Variants in PSG5 observed in about 807,000 individuals in gnomAD.
PSG5 encodes pregnancy-specific beta-1-glycoprotein 5.
In PSG5, 53 loss-of-function variants were observed where a neutral mutation model predicts 37.7. That is an observed-to-expected ratio of 1.41 (90% CI 1.13 to 1.77). The LOEUF is 1.77. Ranked by LOEUF, PSG5 falls within the 40% of genes most tolerant of loss-of-function variation. The pLI, the probability that PSG5 is intolerant of heterozygous loss-of-function variation, is 0.00. For missense variants in PSG5, 547 were observed against 405.2 expected (o/e 1.35, Z -3.00); for synonymous variants, 221 against 155.4 (o/e 1.42, Z -3.14).
rs773210202 is a variant in PSG5, at chr19:43,186,348, G to C, written c.58C>G (p.Leu20Val). Residue 20 changes from leucine to valine, a missense_variant, in exon 1 of 6, where the codon CTC becomes GTC. Coordinates refer to ENST00000342951, the MANE Select transcript of PSG5 (RefSeq NM_002781.4). ...TQHITWKGLL[L>V]TASLLNFWNL... Reference sequence around the variant, plus strand: ...CAGGAAGTTCTCTCCTCACCTGTGAGCAGGAGCCCCTTCCAGGTGATGTGC... The same window carrying C: ...CAGGAAGTTCTCTCCTCACCTGTGACCAGGAGCCCCTTCCAGGTGATGTGC... 10 of 1,612,220 alleles carry C rather than the reference G, an allele frequency of 6.2e-6. No homozygotes were observed. The East Asian group carries it at 6.7e-5, about 11-fold the overall frequency.
intron 2 of PSG5, among the ~76,000 whole-genome samples, chr19:43,182,641 T>C (rs962459606): frequency 1.3e-5 from 2 of 148,646 alleles, no homozygotes; most frequent in African/African-American, 5.0e-5. Context: ...TAAACCTCTG[T>C]CCTCCTGTTT....
In PSG5 at chr19:43,185,122, C is replaced by A. The variant is rs371266058; in HGVS notation, c.90G>T (p.Leu30=). 5 of 1,608,670 alleles carry A rather than the reference C, an allele frequency of 3.1e-6. No individual in the cohort carries two copies. In the African/African-American group the frequency reaches 5.4e-5, roughly 17 times the overall value. Residue 30 remains leucine (L), a synonymous_variant, in exon 2 of 6, where the codon CTG becomes CTT. Coordinates refer to ENST00000342951, the MANE Select transcript of PSG5 (RefSeq NM_002781.4). ...CAATCGTGACTTGAGCAGTGATAGGCAGGTTCCAGAAGTTTAAAAGTGATG... is the reference window on the plus strand; with the variant it reads ...CAATCGTGACTTGAGCAGTGATAGGAAGGTTCCAGAAGTTTAAAAGTGATG... ...LTASLLNFWN[L]PITAQVTIEA... is the part of the protein sequence containing the mutation.
At position 43,175,425 on chromosome 19, in the gene PSG5, G is replaced by A. The variant is rs145710722; in HGVS notation, c.754C>T (p.Arg252Cys). ...GACAAGTAGAGGTTTTCTCCTGAAC[G>A]GTAATAGGTGAATGAAGGGTAAATG... ...PSIYPSFTYY[R>C]SGENLYLSCF... Residue 252 changes from arginine (R) to cysteine (C), a missense_variant, in exon 4 of 6, where the codon CGT becomes TGT. Physicochemically the swap from Arg to Cys is radical, Grantham distance 180. Coordinates refer to ENST00000342951, the MANE Select transcript of PSG5 (RefSeq NM_002781.4). 686 of 1,612,574 alleles carry A rather than the reference G, an allele frequency of 4.3e-4. 25 individuals are homozygous for A. In the African/African-American group the frequency reaches 7.7e-3, roughly 18 times the overall value.
intron 4 of PSG5, 23 bp downstream of exon 4, chr19:43,175,192 C>T: frequency 6.2e-7 from 1 of 1,612,432 alleles, no homozygotes; most frequent in Non-Finnish European, 8.5e-7. Flanking sequence ...ACCCTATTGC[C>T]AAGGATGCTG....
intron 5 of PSG5, among the ~76,000 whole-genome samples, chr19:43,169,301 A>G (rs996072293): frequency 1.3e-4 from 19 of 151,614 alleles, no homozygotes; most frequent in African/African-American, 4.4e-4. Context: ...TCAACCACAC[A>G]TAGGTTGTGT....
chr19:43,179,307 T>C lies in PSG5; in HGVS notation c.431-3159A>G. 8 of 1,196,696 alleles carry C rather than the reference T, an allele frequency of 6.7e-6. 1 individual carries two copies. The highest frequency in any genetic ancestry group is 5.8e-6 in the Non-Finnish European group (5 of 857,246). The allele number at this position is 1,196,696 out of a possible 1,614,324, so 74.1% of individuals were successfully genotyped here. A position where few individuals can be genotyped will look rare whatever the true frequency, so the allele number is the denominator to read the frequency against. Reference sequence around the variant, plus strand: ...GTGTGTGTGTTACAAGACAGATGCATGGCAATCTGAGAGCTCAGAGATTGT... The same window carrying C: ...GTGTGTGTGTTACAAGACAGATGCACGGCAATCTGAGAGCTCAGAGATTGT... On this transcript the variant is annotated intron_variant, in intron 2 of 5. Transcript: ENST00000342951.
In PSG5 at chr19:43,175,402, C is replaced by G. The variant is rs1156758012; in HGVS notation, c.777G>C (p.Leu259Phe). The change falls in exon 4 of 6, where the codon TTG (leucine) becomes TTC (phenylalanine). Residue 259 changes from leucine to phenylalanine, a missense_variant. Leu to Phe is a conservative substitution (Grantham distance 22). Transcript: ENST00000342951. ...GTGGGTTAGATTCCGCGAAGCAGGA[C>G]AAGTAGAGGTTTTCTCCTGAACGGT... Reference protein sequence around the residue: ...TYYRSGENLYLSCFAESNPPA... With the variant: ...TYYRSGENLYFSCFAESNPPA... The G allele has an allele frequency of 1.2e-6, 2 of 1,612,852 alleles. No homozygotes were observed. Among genetic ancestry groups the G allele is most frequent in the Non-Finnish European group, 8.5e-7 (1 of 1,179,262 alleles).
At chr19:43,181,598 A>G (rs1407719269) in intron 2 of PSG5, among the ~76,000 whole-genome samples, 2 of 151,680 alleles carry the variant, frequency 1.3e-5, no homozygotes, top group Non-Finnish European at 2.9e-5. Context: ...AGCTGGGACT[A>G]CAGGCATCCG....
rs575425242 is a variant in PSG5, at chr19:43,173,187, C to T, written c.964+2028G>A. On this transcript the variant is annotated intron_variant, in intron 4 of 5. Transcript: ENST00000342951. ...GATATCCAAGGGCAAGAGAGTGGAA[C>T]CTTTACCTAACACCATGCATAAAAA... 4.6e-5 allele frequency among the ~76,000 whole-genome samples: 7 copies of T among 151,580 alleles called. 1 individual carries two copies. Among genetic ancestry groups the T allele is most frequent in the Non-Finnish European group, 1.0e-4 (7 of 67,884 alleles).
At chr19:43,182,323 A>C (rs1969145544) in intron 2 of PSG5, among the ~76,000 whole-genome samples, 1 of 151,656 alleles carries the variant, frequency 6.6e-6, no homozygotes, top group African/African-American at 2.4e-5. Context: ...AGTTTACAAA[A>C]TTTGTAACTA....
Position 43,168,149 on chromosome 19 carries a change from C to T in PSG5, c.*95G>A. On this transcript the variant is annotated 3_prime_UTR_variant, in exon 6 of 6. Transcript: ENST00000342951. ...TCCATAAATCTCCTTGAAGAAAAAG[C>T]AATTTTGGACTGTAGGTGATTGTAA... 2.3e-6 allele frequency: 1 copy of T among 439,584 alleles called. No homozygotes were observed. The highest frequency in any genetic ancestry group is 4.1e-6 in the Non-Finnish European group (1 of 245,144). The allele number at this position is 439,584 out of a possible 1,614,324, so 27.2% of individuals were successfully genotyped here. A position where few individuals can be genotyped will look rare whatever the true frequency, so the allele number is the denominator to read the frequency against.
chr19:43,186,256 T>A, intron 1 of PSG5, 86 bp downstream of exon 1: 3 of 1,595,806 alleles, frequency 1.9e-6, no homozygotes, highest in South Asian at 1.1e-5. Context: ...CTTCTTTTAT[T>A]TTTTAGAACC....
intron 2 of PSG5, among the ~76,000 whole-genome samples, chr19:43,182,281 A>G (rs1969144784): frequency 6.6e-6 from 1 of 151,734 alleles, no homozygotes; most frequent in South Asian, 2.1e-4. Context: ...CAGTTTCTAT[A>G]ATTCCTGACT....
At chr19:43,174,574 CTCT>C in intron 4 of PSG5, 1 of 941,540 alleles carries the variant, frequency 1.1e-6, no homozygotes, top group East Asian at 1.1e-4. Context: ...GAGGCTCCCT[CTCT>C]TCTTATTTCC....
Position 43,175,386 on chromosome 19 carries a change from A to G in PSG5, c.793T>C (p.Ser265Pro), listed in dbSNP as rs1217727746. Residue 265 changes from serine (S) to proline (P), a missense_variant, in exon 4 of 6, where the codon TCT (serine) becomes CCT (proline). Physicochemically the swap from Ser to Pro is moderately conservative, Grantham distance 74. Coordinates refer to ENST00000342951, the MANE Select transcript of PSG5 (RefSeq NM_002781.4). ...ENLYLSCFAE[S>P]NPPAEYFWTI... ...CAAAAATACTCTGCCGGTGGGTTAG[A>G]TTCCGCGAAGCAGGACAAGTAGAGG... 6.2e-7 allele frequency: 1 copy of G among 1,612,926 alleles called. No individual in the cohort carries two copies. The highest frequency in any genetic ancestry group is 1.7e-5 in the Admixed American group (1 of 59,928).
rs771759577 is a variant in PSG5, at chr19:43,176,045, G to A, written c.534C>T (p.Tyr178=). ...TCEPKSENYT[Y]IWWLNGQSLP... ...GGCTCTGACCATTTAGCCACCAAAT[G>A]TAGGTGTAGTTCTCACTCTTAGGTT... The change falls in exon 3 of 6, where the codon TAC becomes TAT. Residue 178 remains tyrosine (Y), a synonymous_variant. Coordinates refer to ENST00000342951, the MANE Select transcript of PSG5 (RefSeq NM_002781.4). 11 of 1,611,144 alleles carry A rather than the reference G, an allele frequency of 6.8e-6. No homozygotes were observed. In the South Asian group the frequency reaches 1.1e-4, roughly 16 times the overall value.
chr19:43,176,211 TTCAA>T, intron 2 of PSG5, 63 bp from the exon 3 acceptor site: 1 of 1,575,852 alleles, frequency 6.3e-7, no homozygotes. Context: ...ACAGGCATCC[TTCAA>T]TCAGAGTTGG....
At chr19:43,179,623 A>G (rs1286401236) in intron 2 of PSG5, among the ~76,000 whole-genome samples, 1 of 151,612 alleles carries the variant, frequency 6.6e-6, no homozygotes, top group Non-Finnish European at 1.5e-5. Flanking sequence ...TTGTCCTTAA[A>G]CCCTTTGGGT....
At chr19:43,170,552 T>G (rs1016744999) in intron 4 of PSG5, 1 of 404,220 alleles carries the variant, frequency 2.5e-6, no homozygotes, top group Non-Finnish European at 4.9e-6. Context: ...CCCACGTCCG[T>G]GCATTTCACA....
Sources: gnomAD v4.1 joint callset for allele counts (sites outside exome capture counted in the v4.1 genomes callset) on GRCh38, gnomAD v4.1.1 for gene constraint, MANE v1.5 for transcripts, NCBI Gene and HGNC (gene_info 2026-07-23, HGNC 2026-07-21) for gene names.